Variants in TENM2 observed in about 807,000 individuals in gnomAD.
TENM2 encodes teneurin transmembrane protein 2, also known as teneurin-2.
In TENM2, 52 loss-of-function variants were observed where a neutral mutation model predicts 245.2. The observed-to-expected ratio is 0.21, with a 90% CI of 0.17 to 0.27. The LOEUF is 0.27. TENM2 is among the 10% of genes least tolerant of loss of function. The pLI is 1.00. For missense variants in TENM2, 3,046 were observed against 3,666.8 expected (o/e 0.83, Z 4.37); for synonymous variants, 1,363 against 1,438.9 (o/e 0.95, Z 1.19).
chr5:167,364,393 A>T (rs946638084), intron 1 of TENM2, among the ~76,000 whole-genome samples: 5 of 152,126 alleles, frequency 3.3e-5, no homozygotes, highest in Non-Finnish European at 7.4e-5. Flanking sequence ...AGAAATACAG[A>T]GGGAGGAAAA....
intron 2 of TENM2, among the ~76,000 whole-genome samples, chr5:167,740,483 A>ATATAATT (rs1256384695): frequency 1.3e-5 from 2 of 152,088 alleles, no homozygotes; most frequent in African/African-American, 2.4e-5. Context: ...TTCCCTTTCT[A>ATATAATT]TATAATTTCA....
At chr5:167,322,044 C>T (rs1327362463) in intron 1 of TENM2, among the ~76,000 whole-genome samples, 1 of 151,800 alleles carries the variant, frequency 6.6e-6, no homozygotes, top group African/African-American at 2.4e-5. Flanking sequence ...GTTGGCCAGG[C>T]TGGTCTTGAA....
chr5:167,101,480 A>C, the TENM2 span, among the ~76,000 whole-genome samples: 1 of 152,098 alleles, frequency 6.6e-6, no homozygotes, highest in Non-Finnish European at 1.5e-5. Flanking sequence ...CTTCCATCCT[A>C]CAAGCTCCTG....
At chr5:167,052,105 A>C in the TENM2 span, among the ~76,000 whole-genome samples, 3 of 152,186 alleles carry the variant, frequency 2.0e-5, no homozygotes, top group Non-Finnish European at 4.4e-5. Context: ...TGTTCGTTTA[A>C]AGAGGTATTT....
the TENM2 span, among the ~76,000 whole-genome samples, chr5:167,228,484 C>T: frequency 0.21 from 31,413 of 151,512 alleles, 3,791 homozygotes; most frequent in African/African-American, 0.33. Flanking sequence ...CTGAATTATT[C>T]TGTGATTTCT....
the TENM2 span, among the ~76,000 whole-genome samples, chr5:167,055,885 CTG>C: frequency 6.6e-6 from 1 of 151,964 alleles, no homozygotes; most frequent in African/African-American, 2.4e-5. Flanking sequence ...TTTTCACAAT[CTG>C]TATACCGCTT....
At chr5:167,855,385 A>C (rs1428644110) in intron 2 of TENM2, among the ~76,000 whole-genome samples, 2 of 152,006 alleles carry the variant, frequency 1.3e-5, no homozygotes, top group East Asian at 3.9e-4. Flanking sequence ...TCCCTTGAAA[A>C]CACACACACA....
the TENM2 span, among the ~76,000 whole-genome samples, chr5:167,101,849 T>TTATATATATATATATA: frequency 0.025 from 1,700 of 69,114 alleles, 78 homozygotes; most frequent in Non-Finnish European, 0.028. Flanking sequence ...ATATATATAT[T>TTATATATATATATATA]TATATATATA....
At chr5:167,807,123 T>TAAAAAAAAAAAAA (rs1766240900) in intron 2 of TENM2, among the ~76,000 whole-genome samples, 1 of 45,184 alleles carries the variant, frequency 2.2e-5, no homozygotes, top group African/African-American at 1.7e-4. Context: ...AGCCCCTAGG[T>TAAAAAAAAAAAAA]TAAAAAAAAA....
intron 2 of TENM2, among the ~76,000 whole-genome samples, chr5:167,592,101 T>C (rs1561581144): frequency 6.6e-6 from 1 of 152,166 alleles, no homozygotes; most frequent in Non-Finnish European, 1.5e-5. Flanking sequence ...TTTACCTAGG[T>C]TGGGCACCAA....
At chr5:167,027,375 A>C in the TENM2 span, among the ~76,000 whole-genome samples, 1 of 152,304 alleles carries the variant, frequency 6.6e-6, no homozygotes, top group East Asian at 1.9e-4. Flanking sequence ...GCCCAGCTAG[A>C]TATTGAGGAA....
chr5:168,103,862 G>A (rs1191247470), intron 9 of TENM2, among the ~76,000 whole-genome samples: 1 of 152,166 alleles, frequency 6.6e-6, no homozygotes, highest in Non-Finnish European at 1.5e-5. Context: ...CTGACTGTTG[G>A]CAGGGAGTAA....
At chr5:166,981,657 G>C in the TENM2 span, among the ~76,000 whole-genome samples, 2 of 152,124 alleles carry the variant, frequency 1.3e-5, no homozygotes, top group South Asian at 4.1e-4. Flanking sequence ...AACATATTCA[G>C]ATCATGAATT....
At chr5:167,170,883 T>G in the TENM2 span, among the ~76,000 whole-genome samples, 1 of 143,316 alleles carries the variant, frequency 7.0e-6, no homozygotes, top group South Asian at 2.1e-4. Context: ...TCTTTTTCCA[T>G]TTGACTTCTT....
chr5:167,796,737 A>G (rs1765348441), intron 2 of TENM2, among the ~76,000 whole-genome samples: 4 of 152,050 alleles, frequency 2.6e-5, no homozygotes, highest in South Asian at 4.1e-4. Flanking sequence ...TTGCCTTAAC[A>G]TTCTTCGTAG....
At chr5:168,107,212 CCT>C (rs1794316290) in intron 9 of TENM2, among the ~76,000 whole-genome samples, 1 of 150,554 alleles carries the variant, frequency 6.6e-6, no homozygotes, top group African/African-American at 2.4e-5. Context: ...CTCCATTTTT[CCT>C]CTCTATCCTT....
At chr5:167,226,441 G>A in the TENM2 span, among the ~76,000 whole-genome samples, 1 of 151,956 alleles carries the variant, frequency 6.6e-6, no homozygotes, top group South Asian at 2.1e-4. Flanking sequence ...GTATCCATGT[G>A]CTTGTATAGT....
chr5:166,992,041 T>A, the TENM2 span, among the ~76,000 whole-genome samples: 1 of 142,480 alleles, frequency 7.0e-6, no homozygotes, highest in African/African-American at 2.6e-5. Flanking sequence ...GTGAAATAAA[T>A]ATCTGTTTCA....
At chr5:167,850,547 A>G (rs1770481110) in intron 2 of TENM2, among the ~76,000 whole-genome samples, 1 of 152,242 alleles carries the variant, frequency 6.6e-6, no homozygotes, top group African/African-American at 2.4e-5. Flanking sequence ...AAAATTTAAA[A>G]TGAGAAATTT....
Sources: allele counts gnomAD v4.1 joint callset (sites outside exome capture counted in the v4.1 genomes callset), GRCh38; gene constraint gnomAD v4.1.1; transcripts MANE v1.5; gene names NCBI Gene and HGNC (gene_info 2026-07-23, HGNC 2026-07-21).